MACROD2: variants seen among roughly 807,000 people sequenced by gnomAD.
MACROD2 encodes the protein ADP-ribose glycohydrolase MACROD2.
MACROD2 carries 36 observed loss-of-function variants against 70.4 expected under a neutral mutation model. The ratio of observed to expected loss-of-function variants is 0.51; its 90% CI spans 0.39 to 0.68. The LOEUF (loss-of-function observed/expected upper bound fraction) is 0.68. Among genes scored for constraint, MACROD2 ranks in the 30% least tolerant of loss-of-function variants. The probability of loss-of-function intolerance (pLI) is 0.00; values close to 1 mark genes in which losing one functional copy is unlikely to be tolerated. For synonymous variants in MACROD2, 172 were observed against 178.8 expected (o/e 0.96, Z 0.30); for missense variants, 496 against 538.4 (o/e 0.92, Z 0.78).
chr20:15,833,312 C>A (rs2064078345), intron 8 of MACROD2, among the ~76,000 whole-genome samples: 1 of 152,202 alleles, frequency 6.6e-6, no homozygotes, highest in African/African-American at 2.4e-5. Context: ...GCCAGATGCA[C>A]CCCACACTTC....
chr20:14,179,450 A>G (rs150596474), intron 3 of MACROD2, among the ~76,000 whole-genome samples: 516 of 152,186 alleles, frequency 3.4e-3, no homozygotes, highest in East Asian at 0.011. Context: ...CTTTTCAACT[A>G]TTCTTCATTT....
At chr20:14,924,247 G>A (rs906480176) in intron 5 of MACROD2, among the ~76,000 whole-genome samples, 2 of 146,892 alleles carry the variant, frequency 1.4e-5, no homozygotes, top group Non-Finnish European at 2.9e-5. Context: ...CATCACTTGA[G>A]GCCAAGCCTG....
intron 15 of MACROD2, among the ~76,000 whole-genome samples, chr20:15,996,577 A>G (rs2066635358): frequency 6.6e-6 from 1 of 152,082 alleles, no homozygotes; most frequent in African/African-American, 2.4e-5. Context: ...CTGTTTTATT[A>G]TAATTCTTAT....
intron 5 of MACROD2, among the ~76,000 whole-genome samples, chr20:14,849,057 G>A (rs1379104610): frequency 6.6e-6 from 1 of 152,132 alleles, no homozygotes; most frequent in African/African-American, 2.4e-5. Flanking sequence ...CCTCTTGACT[G>A]GAGTTGGCAA....
Position 16,008,695 on chromosome 20 carries a change from T to C in MACROD2, c.1153+21537T>C, listed in dbSNP as rs528386106. Among the ~76,000 whole-genome samples the C allele has an allele frequency of 6.9e-4, 105 of 152,372 alleles. 1 individual carries two copies. The highest frequency in any genetic ancestry group is 2.4e-3 in the African/African-American group (98 of 41,594). ...AAAGTTCTGGCAGTAGTGCCAGGCA[T>C]ATAGTAAACTCTCAATCAATATTAA... On this transcript the variant is annotated intron_variant, in intron 15 of 17. Transcript: ENST00000684519.
At chr20:14,908,578 A>G (rs2073988535) in intron 5 of MACROD2, among the ~76,000 whole-genome samples, 1 of 151,388 alleles carries the variant, frequency 6.6e-6, no homozygotes, top group Non-Finnish European at 1.5e-5. Context: ...TTGCTGAATC[A>G]CTTGAACCTG....
chr20:15,386,134 CCT>C (rs896522214), intron 6 of MACROD2, among the ~76,000 whole-genome samples: 1 of 152,102 alleles, frequency 6.6e-6, no homozygotes, highest in Admixed American at 6.6e-5. Flanking sequence ...AGTGATAATT[CCT>C]CTGTTTTTCT....
At chr20:14,685,123 C>T in intron 5 of MACROD2, 164 bp downstream of exon 5, 1 of 457,706 alleles carries the variant, frequency 2.2e-6, no homozygotes. Flanking sequence ...AGTATGTCTC[C>T]AAATATATAC....
chr20:14,651,399 A>G (rs1480340315), intron 4 of MACROD2, among the ~76,000 whole-genome samples: 2 of 152,158 alleles, frequency 1.3e-5, no homozygotes, highest in African/African-American at 2.4e-5. Context: ...ACCAGAAGAA[A>G]GGAGGGCATG....
chr20:14,515,323 C>T (rs1383876795), intron 4 of MACROD2, among the ~76,000 whole-genome samples: 1 of 151,672 alleles, frequency 6.6e-6, no homozygotes, highest in Non-Finnish European at 1.5e-5. Context: ...GCTCTGTATA[C>T]AAAGGAATTG....
intron 8 of MACROD2, among the ~76,000 whole-genome samples, chr20:15,538,532 A>G (rs2146561833): frequency 6.6e-6 from 1 of 152,352 alleles, no homozygotes; most frequent in East Asian, 1.9e-4. Flanking sequence ...AGATTTCCAG[A>G]TGAATCAACT....
chr20:14,934,127 G>A (rs1045091139), intron 5 of MACROD2, among the ~76,000 whole-genome samples: 6 of 152,144 alleles, frequency 3.9e-5, no homozygotes, highest in East Asian at 1.9e-4. Context: ...CTTGCAGCAC[G>A]TCAAAGAGTT....
intron 3 of MACROD2, among the ~76,000 whole-genome samples, chr20:14,359,116 A>G (rs1380756999): frequency 1.3e-5 from 2 of 152,092 alleles, no homozygotes; most frequent in Non-Finnish European, 2.9e-5. Flanking sequence ...TGAACCCAAG[A>G]GGTAGAGGTT....
intron 3 of MACROD2, among the ~76,000 whole-genome samples, chr20:14,212,866 G>T (rs1258552072): frequency 3.3e-5 from 5 of 151,710 alleles, no homozygotes; most frequent in Admixed American, 2.6e-4. Context: ...TGTTCCTGGG[G>T]CTGATCCATG....
chr20:14,470,050 A>G (rs1178494767), intron 3 of MACROD2, among the ~76,000 whole-genome samples: 1 of 151,752 alleles, frequency 6.6e-6, no homozygotes, highest in Non-Finnish European at 1.5e-5. Context: ...GCTGTTTTTT[A>G]TTCATTTTTG....
At chr20:15,134,840 G>T (rs548592572) in intron 5 of MACROD2, among the ~76,000 whole-genome samples, 3,193 of 152,072 alleles carry the variant, frequency 0.021, 34 homozygotes, top group Middle Eastern at 0.11. Flanking sequence ...TAAAAAAAGA[G>T]AGAAGAATCA....
chr20:15,910,394 ATGTGTGTG>A (rs3072220), intron 10 of MACROD2, among the ~76,000 whole-genome samples: 292 of 146,434 alleles, frequency 2.0e-3, no homozygotes, highest in Middle Eastern at 0.01. Context: ...GTCAGAGGAC[ATGTGTGTG>A]TGTGTGTGTG....
intron 6 of MACROD2, among the ~76,000 whole-genome samples, chr20:15,430,138 A>G (rs374751818): frequency 1.3e-5 from 2 of 152,158 alleles, no homozygotes; most frequent in East Asian, 3.9e-4. Context: ...TCCACCTACC[A>G]TCTTTTCTTT....
At chr20:14,519,428 AAAG>A (rs572530224) in intron 4 of MACROD2, among the ~76,000 whole-genome samples, 37 of 152,310 alleles carry the variant, frequency 2.4e-4, no homozygotes, top group African/African-American at 7.5e-4. Flanking sequence ...GGCACTTTTC[AAAG>A]AAGACATACA....
Sources: gnomAD v4.1 joint callset for allele counts (sites outside exome capture counted in the v4.1 genomes callset) on GRCh38, gnomAD v4.1.1 for gene constraint, MANE v1.5 for transcripts, NCBI Gene and HGNC (gene_info 2026-07-23, HGNC 2026-07-21) for gene names.